FGGY: variants seen among roughly 807,000 people sequenced by gnomAD.
FGGY encodes the protein FGGY carbohydrate kinase domain containing.
FGGY carries 72 observed loss-of-function variants against 71.3 expected under a neutral mutation model. That is an observed-to-expected ratio of 1.01 (90% CI 0.84 to 1.23). The LOEUF is 1.23. Among genes scored for constraint, FGGY ranks in the 50% most tolerant of loss-of-function variants. The pLI, the probability that FGGY is intolerant of heterozygous loss-of-function variation, is 0.00. For synonymous variants in FGGY, 251 were observed against 250.3 expected (o/e 1.00, Z -0.02); for missense variants, 668 against 682.3 (o/e 0.98, Z 0.23).
chr1:59,437,188 G>A (rs933878295), intron 5 of FGGY, among the ~76,000 whole-genome samples: 7 of 152,176 alleles, frequency 4.6e-5, no homozygotes, highest in Non-Finnish European at 7.3e-5. Context: ...GAGGAGCCCT[G>A]TGCTTTAATT....
intron 14 of FGGY, among the ~76,000 whole-genome samples, chr1:59,675,247 C>T (rs2097424669): frequency 6.6e-6 from 1 of 152,102 alleles, no homozygotes; most frequent in African/African-American, 2.4e-5. Flanking sequence ...AGCCAGGTAT[C>T]TAGTAGCTCA....
chr1:59,470,555 G>A lies in FGGY; in HGVS notation c.670+13479G>A, dbSNP rs2153543573. Among the ~76,000 whole-genome samples the A allele has an allele frequency of 3.3e-5, 5 of 152,218 alleles. No homozygotes were observed. The Middle Eastern group carries it at 0.017, about 518-fold the overall frequency. On this transcript the variant is annotated intron_variant, in intron 6 of 15. Coordinates refer to ENST00000303721, the MANE Select transcript of FGGY (RefSeq NM_018291.5). The stretch of plus-strand genomic sequence containing the variant: ...CTAAGTGATTCCTTCTCCCATGGAT[G>A]GAATAAGGGAGATTATAAAAGCAGG...
At chr1:59,731,342 A>G (rs1396343297) in intron 14 of FGGY, among the ~76,000 whole-genome samples, 1 of 152,158 alleles carries the variant, frequency 6.6e-6, no homozygotes, top group Non-Finnish European at 1.5e-5. Context: ...GGAATACTTC[A>G]GGCCTCTTCA....
chr1:59,739,741 T>A (rs1236967252), intron 14 of FGGY, among the ~76,000 whole-genome samples: 1 of 152,200 alleles, frequency 6.6e-6, no homozygotes, highest in Non-Finnish European at 1.5e-5. Context: ...TCCACGTGGC[T>A]GTTTTATTTT....
chr1:59,553,491 G>A (rs2095640623), intron 7 of FGGY, among the ~76,000 whole-genome samples: 1 of 152,172 alleles, frequency 6.6e-6, no homozygotes, highest in African/African-American at 2.4e-5. Context: ...GAAACCCTCT[G>A]CTATTTGGCA....
At chr1:59,554,095 G>C in intron 7 of FGGY, 29 bp from the exon 8 acceptor site, 1 of 1,528,308 alleles carries the variant, frequency 6.5e-7, no homozygotes, top group Non-Finnish European at 9.0e-7. Flanking sequence ...GTGTTAAAGA[G>C]GATTTGTTTT....
intron 13 of FGGY, among the ~76,000 whole-genome samples, chr1:59,670,460 G>T (rs1009744356): frequency 2.0e-5 from 3 of 152,180 alleles, no homozygotes; most frequent in Admixed American, 1.3e-4. Flanking sequence ...AGATAGTGTG[G>T]AACAGTGGAA....
intron 7 of FGGY, among the ~76,000 whole-genome samples, chr1:59,535,318 C>T (rs1162840047): frequency 6.6e-6 from 1 of 151,926 alleles, no homozygotes; most frequent in Admixed American, 6.5e-5. Flanking sequence ...ACAGGAGCAC[C>T]CAGATTCATA....
intron 14 of FGGY, among the ~76,000 whole-genome samples, chr1:59,745,431 A>T (rs1017608921): frequency 6.6e-6 from 1 of 152,222 alleles, no homozygotes; most frequent in Non-Finnish European, 1.5e-5. Flanking sequence ...CATTATGTTA[A>T]TATTATCACA....
chr1:59,337,683 A>G (rs1389909009), intron 2 of FGGY, among the ~76,000 whole-genome samples: 1 of 152,168 alleles, frequency 6.6e-6, no homozygotes, highest in Non-Finnish European at 1.5e-5. Flanking sequence ...GTAGAAATCC[A>G]GTTGATATTT....
intron 9 of FGGY, among the ~76,000 whole-genome samples, chr1:59,616,212 A>G (rs955541633): frequency 6.6e-6 from 1 of 152,256 alleles, no homozygotes; most frequent in Non-Finnish European, 1.5e-5. Flanking sequence ...ACTATTCACA[A>G]TAGCAAAGTC....
intron 7 of FGGY, among the ~76,000 whole-genome samples, chr1:59,526,711 C>G (rs1271181135): frequency 6.6e-6 from 1 of 152,170 alleles, no homozygotes; most frequent in Non-Finnish European, 1.5e-5. Context: ...AATCAAGGAA[C>G]ATTTTGGTGT....
intron 6 of FGGY, among the ~76,000 whole-genome samples, chr1:59,480,248 G>C (rs628536): frequency 0.52 from 78,743 of 151,834 alleles, 21,082 homozygotes; most frequent in African/African-American, 0.65. Flanking sequence ...CCAAAAACCC[G>C]AATTATGGTC....
At chr1:59,335,096 A>G (rs1003873175) in intron 2 of FGGY, among the ~76,000 whole-genome samples, 3 of 152,174 alleles carry the variant, frequency 2.0e-5, no homozygotes, top group Admixed American at 6.5e-5. Context: ...TGATTTATAT[A>G]TCATAAAATC....
Position 59,319,207 on chromosome 1 carries a change from C to A in FGGY, c.-14-2329C>A, listed in dbSNP as rs184924886. Among the ~76,000 whole-genome samples the A allele has an allele frequency of 7.9e-5, 12 of 152,158 alleles. No individual in the cohort carries two copies. The East Asian group carries it at 2.3e-3, about 29-fold the overall frequency. ...AAGGTTCTCACTGGTTTTAGAGAAG[C>A]TAAATATGGAAAAATGAGTGCCGTA... On this transcript the variant is annotated intron_variant, in intron 1 of 15. Transcript: ENST00000303721.
intron 11 of FGGY, among the ~76,000 whole-genome samples, chr1:59,653,898 A>T (rs1473265048): frequency 1.3e-5 from 2 of 151,406 alleles, no homozygotes; most frequent in Non-Finnish European, 2.9e-5. Flanking sequence ...CGCTTGACTG[A>T]CTCCTCTGCC....
chr1:59,676,930 G>C (rs1189196998), intron 14 of FGGY, among the ~76,000 whole-genome samples: 1 of 151,740 alleles, frequency 6.6e-6, no homozygotes, highest in Admixed American at 6.6e-5. Flanking sequence ...GTTCTCTCTG[G>C]GTGCTTGTTT....
At chr1:59,383,677 A>T (rs994051707) in intron 5 of FGGY, among the ~76,000 whole-genome samples, 2 of 152,178 alleles carry the variant, frequency 1.3e-5, no homozygotes, top group African/African-American at 4.8e-5. Context: ...TCATCTGCAT[A>T]TTAAAACCTT....
At chr1:59,483,142 G>C (rs1444144478) in intron 6 of FGGY, among the ~76,000 whole-genome samples, 1 of 152,104 alleles carries the variant, frequency 6.6e-6, no homozygotes, top group East Asian at 1.9e-4. Context: ...TCAGCAACCT[G>C]CCATACTTCA....
Sources: gnomAD v4.1 joint callset for allele counts (sites outside exome capture counted in the v4.1 genomes callset) on GRCh38, gnomAD v4.1.1 for gene constraint, MANE v1.5 for transcripts, NCBI Gene and HGNC (gene_info 2026-07-23, HGNC 2026-07-21) for gene names.